Variants in MAGI2 observed in about 807,000 individuals in gnomAD.
The protein encoded by MAGI2 is membrane associated guanylate kinase, WW and PDZ domain containing 2.
In MAGI2, 35 loss-of-function variants were observed where a neutral mutation model predicts 133.3. The observed-to-expected ratio is 0.26, with a 90% CI of 0.20 to 0.35. The LOEUF (loss-of-function observed/expected upper bound fraction) is 0.35. Among genes scored for constraint, MAGI2 ranks in the 10% least tolerant of loss-of-function variants. MAGI2 has a pLI of 1.00. For synonymous variants in MAGI2, 729 were observed against 710.6 expected (o/e 1.03, Z -0.41); for missense variants, 1,636 against 1,863.4 (o/e 0.88, Z 2.25).
At chr7:79,071,024 G>C (rs559309020) in intron 1 of MAGI2, among the ~76,000 whole-genome samples, 3 of 152,122 alleles carry the variant, frequency 2.0e-5, no homozygotes, top group Non-Finnish European at 4.4e-5. Flanking sequence ...GAGAAGAGGC[G>C]TTCTGGTTTT....
intron 1 of MAGI2, among the ~76,000 whole-genome samples, chr7:79,316,291 T>C (rs1293523593): frequency 6.6e-6 from 1 of 152,182 alleles, no homozygotes; most frequent in South Asian, 2.1e-4. Context: ...AGTTACTCTT[T>C]GTTTTTCTCT....
At chr7:78,734,196 T>A (rs1043196016) in intron 2 of MAGI2, among the ~76,000 whole-genome samples, 1 of 152,160 alleles carries the variant, frequency 6.6e-6, no homozygotes, top group African/African-American at 2.4e-5. Context: ...AATACAGGCA[T>A]CAAATATAGC....
At chr7:79,440,341 T>G (rs999268745) in intron 1 of MAGI2, among the ~76,000 whole-genome samples, 1 of 152,044 alleles carries the variant, frequency 6.6e-6, no homozygotes, top group Non-Finnish European at 1.5e-5. Flanking sequence ...TTCAAGTTGG[T>G]TTTTGCATGC....
chr7:79,145,206 T>G (rs1207524510), intron 1 of MAGI2, among the ~76,000 whole-genome samples: 2 of 152,212 alleles, frequency 1.3e-5, no homozygotes, highest in African/African-American at 4.8e-5. Flanking sequence ...AATTTTTTCC[T>G]ACTTTATTTT....
chr7:79,273,921 CACA>C (rs921759776), intron 1 of MAGI2, among the ~76,000 whole-genome samples: 4 of 151,960 alleles, frequency 2.6e-5, no homozygotes, highest in East Asian at 1.9e-4. Context: ...TAAAACAAAA[CACA>C]ACAACAACAA....
intron 2 of MAGI2, among the ~76,000 whole-genome samples, chr7:78,892,183 G>T (rs1796821679): frequency 6.6e-6 from 1 of 152,118 alleles, no homozygotes; most frequent in Non-Finnish European, 1.5e-5. Flanking sequence ...GGATGTGAAG[G>T]ACCTCTTCAA....
At chr7:79,422,837 G>A (rs568064354) in intron 1 of MAGI2, among the ~76,000 whole-genome samples, 29 of 152,130 alleles carry the variant, frequency 1.9e-4, no homozygotes, top group Admixed American at 5.9e-4. Flanking sequence ...GAATGCCAAG[G>A]TAGATAGACA....
intron 3 of MAGI2, among the ~76,000 whole-genome samples, chr7:78,571,256 T>C (rs1801470334): frequency 6.6e-6 from 1 of 152,186 alleles, no homozygotes; most frequent in South Asian, 2.1e-4. Flanking sequence ...AAATGTGAAC[T>C]CCTGGATCTC....
intron 12 of MAGI2, among the ~76,000 whole-genome samples, chr7:78,192,852 G>A (rs1290603356): frequency 6.6e-6 from 1 of 152,180 alleles, no homozygotes; most frequent in East Asian, 1.9e-4. Context: ...TGAGGCAGCA[G>A]CAGCAGCGGC....
At chr7:78,939,723 T>C (rs1162403102) in intron 2 of MAGI2, 1 of 152,212 alleles carries the variant, frequency 6.6e-6, no homozygotes, top group Non-Finnish European at 1.5e-5. Flanking sequence ...TCTGAGACAC[T>C]GCACTGAGTT....
At chr7:78,127,466 G>A in intron 18 of MAGI2, 50 bp from the exon 19 acceptor site, 1 of 1,442,860 alleles carries the variant, frequency 6.9e-7, no homozygotes, top group South Asian at 1.1e-5. Context: ...ATTCTAAAGA[G>A]GCTAGAGTGA....
At chr7:78,298,850 C>G (rs1797569714) in intron 9 of MAGI2, among the ~76,000 whole-genome samples, 1 of 121,728 alleles carries the variant, frequency 8.2e-6, no homozygotes, top group African/African-American at 3.3e-5. Context: ...GAGTCTCGCT[C>G]TGTTGCCCAG....
At chr7:79,268,006 C>G (rs949286708) in intron 1 of MAGI2, among the ~76,000 whole-genome samples, 1 of 152,114 alleles carries the variant, frequency 6.6e-6, no homozygotes, top group Non-Finnish European at 1.5e-5. Context: ...TTCCTTCCTA[C>G]AGTATGAGTT....
At chr7:78,867,805 AGCCCTTGGGAT>A (rs1393379088) in intron 2 of MAGI2, among the ~76,000 whole-genome samples, 3 of 152,160 alleles carry the variant, frequency 2.0e-5, no homozygotes, top group African/African-American at 7.2e-5. Flanking sequence ...AAGAGACCGT[AGCCCTTGGGAT>A]GCGGAGAAGG....
intron 2 of MAGI2, among the ~76,000 whole-genome samples, chr7:78,858,820 T>G (rs1375790427): frequency 6.6e-6 from 1 of 152,186 alleles, no homozygotes; most frequent in African/African-American, 2.4e-5. Flanking sequence ...TTGATCTCTC[T>G]AATGTTGACA....
chr7:78,809,911 C>A (rs1788898280), intron 2 of MAGI2, among the ~76,000 whole-genome samples: 1 of 152,186 alleles, frequency 6.6e-6, no homozygotes, highest in South Asian at 2.1e-4. Flanking sequence ...ACTATGAAAA[C>A]AATTGGTAAA....
intron 16 of MAGI2, among the ~76,000 whole-genome samples, chr7:78,140,515 C>T (rs1822637155): frequency 2.0e-5 from 3 of 152,156 alleles, no homozygotes; most frequent in African/African-American, 7.2e-5. Context: ...CAAAGGCAAT[C>T]GATAGCATAA....
At chr7:79,086,665 T>C (rs1324394265) in intron 1 of MAGI2, among the ~76,000 whole-genome samples, 1 of 151,902 alleles carries the variant, frequency 6.6e-6, no homozygotes, top group African/African-American at 2.4e-5. Flanking sequence ...TCTCGCTTTC[T>C]TATTGTTGTT....
intron 6 of MAGI2, among the ~76,000 whole-genome samples, chr7:78,415,748 C>T (rs1243787505): frequency 6.6e-6 from 1 of 151,964 alleles, no homozygotes; most frequent in Non-Finnish European, 1.5e-5. Flanking sequence ...GGGGTTGGAG[C>T]CTATGAAGAA....
Sources: allele counts gnomAD v4.1 joint callset (sites outside exome capture counted in the v4.1 genomes callset), GRCh38; gene constraint gnomAD v4.1.1; transcripts MANE v1.5; gene names NCBI Gene and HGNC (gene_info 2026-07-23, HGNC 2026-07-21).